The following PDE1A variants were observed in gnomAD, a reference collection of about 807,000 sequenced individuals.
PDE1A encodes the protein phosphodiesterase 1A.
Under a neutral mutation model 61.7 loss-of-function variants are expected in PDE1A, and 35 were observed. The ratio of observed to expected loss-of-function variants is 0.57; its 90% CI spans 0.43 to 0.75. The LOEUF (loss-of-function observed/expected upper bound fraction) is 0.75, where lower values mean the gene tolerates loss of function less well. Among genes scored for constraint, PDE1A ranks in the 30% least tolerant of loss-of-function variants. PDE1A has a pLI of 0.00. For missense variants in PDE1A, 597 were observed against 630.6 expected, an observed-to-expected ratio of 0.95 and a Z score of 0.57; for synonymous variants, 232 against 213.2, an observed-to-expected ratio of 1.09 and a Z score of -0.77.
chr2:182,275,864 TG>T (rs1210117516), intron 1 of PDE1A, among the ~76,000 whole-genome samples: 1 of 152,130 alleles, frequency 6.6e-6, no homozygotes, highest in Non-Finnish European at 1.5e-5. Flanking sequence ...TCATTATTAA[TG>T]ATTTAAATAG....
At chr2:182,567,169 A>G in the PDE1A span, among the ~76,000 whole-genome samples, 4 of 152,214 alleles carry the variant, frequency 2.6e-5, no homozygotes, top group Admixed American at 2.6e-4. Context: ...ACAATTTGCT[A>G]TAACATTACC....
chr2:182,532,738 G>A, the PDE1A span, among the ~76,000 whole-genome samples: 12 of 148,144 alleles, frequency 8.1e-5, no homozygotes, highest in Admixed American at 4.7e-4. Flanking sequence ...CGGGCGGATC[G>A]ACACGAGGTC....
At chr2:182,445,028 T>C (rs543467433) in intron 2 of PDE1A, among the ~76,000 whole-genome samples, 16 of 152,256 alleles carry the variant, frequency 1.1e-4, no homozygotes, top group African/African-American at 2.9e-4. Context: ...TTAGACCATG[T>C]TGAGCCATAC....
At chr2:182,705,820 TAA>T in the PDE1A span, among the ~76,000 whole-genome samples, 3 of 152,224 alleles carry the variant, frequency 2.0e-5, no homozygotes, top group Admixed American at 1.3e-4. Context: ...AGCTGAGGGC[TAA>T]GTCTTTAAAA....
At chr2:182,363,187 C>T (rs1168665853) in intron 1 of PDE1A, among the ~76,000 whole-genome samples, 6 of 151,890 alleles carry the variant, frequency 4.0e-5, no homozygotes, top group African/African-American at 1.4e-4. Context: ...ATATAACAAA[C>T]CTGCTCATGT....
the PDE1A span, among the ~76,000 whole-genome samples, chr2:182,577,992 GGGAC>G: frequency 2.0e-4 from 29 of 148,324 alleles, no homozygotes; most frequent in African/African-American, 6.8e-4. Context: ...AAGGAAGGAA[GGGAC>G]GGAGGGAGGG....
At chr2:182,407,528 C>A (rs1702370345) in intron 1 of PDE1A, among the ~76,000 whole-genome samples, 1 of 151,994 alleles carries the variant, frequency 6.6e-6, no homozygotes, top group Non-Finnish European at 1.5e-5. Context: ...ACTACAGGTT[C>A]CCGCCATCAC....
rs1685713862 is a variant in PDE1A at position 182,453,972 on chromosome 2, C to T, written c.101+68304G>A. On this transcript the variant is annotated intron_variant, in intron 2 of 14. Coordinates refer to the PDE1A transcript ENST00000410103. ...GTATTCAATTAGGAAAAGAGGAAGTCAAATTGTCCCTGTTTGCAGATGACA... is the reference window on the plus strand; with the variant it reads ...GTATTCAATTAGGAAAAGAGGAAGTTAAATTGTCCCTGTTTGCAGATGACA... Among the ~76,000 whole-genome samples the T allele has an allele frequency of 2.0e-5, 3 of 151,942 alleles. No homozygotes were observed. In the South Asian group the frequency reaches 6.2e-4, roughly 32 times the overall value.
intron 1 of PDE1A, among the ~76,000 whole-genome samples, chr2:182,416,089 TG>T (rs34669140): frequency 0.038 from 5,834 of 152,292 alleles, 132 homozygotes; most frequent in Middle Eastern, 0.071. Flanking sequence ...ATCTATGAAA[TG>T]GGGAGCTATA....
the PDE1A span, among the ~76,000 whole-genome samples, chr2:182,564,281 C>T: frequency 5.9e-5 from 9 of 152,210 alleles, no homozygotes; most frequent in African/African-American, 1.9e-4. Flanking sequence ...ATTTGCTTGT[C>T]TGTAAAGTAT....
intron 2 of PDE1A, among the ~76,000 whole-genome samples, chr2:182,471,424 C>T (rs1327297686): frequency 6.6e-6 from 1 of 151,646 alleles, no homozygotes; most frequent in African/African-American, 2.4e-5. Flanking sequence ...TATAATAAAG[C>T]AAAATACAGA....
At chr2:182,208,868 C>A (rs1687341384) in intron 7 of PDE1A, among the ~76,000 whole-genome samples, 1 of 152,190 alleles carries the variant, frequency 6.6e-6, no homozygotes, top group South Asian at 2.1e-4. Flanking sequence ...TTACCCAATG[C>A]CTGTAACCCC....
At chr2:182,476,016 C>T (rs1687335597) in intron 2 of PDE1A, among the ~76,000 whole-genome samples, 1 of 151,494 alleles carries the variant, frequency 6.6e-6, no homozygotes, top group African/African-American at 2.4e-5. Flanking sequence ...AATTTTTTCT[C>T]CAAAAGAACA....
rs371902958 is a variant in PDE1A at position 182,186,413 on chromosome 2, A to T, written c.1328+55T>A. The T allele has an allele frequency of 2.0e-5, 32 of 1,563,368 alleles. No homozygotes were observed. In the African/African-American group the frequency reaches 2.3e-4, roughly 11 times the overall value. ...TGTGAGAAATATAATCATTAAGGAA[A>T]GTGTTACTAAACACCACAAAGATGA... On this transcript the variant is annotated intron_variant, in intron 12 of 13. Transcript: ENST00000351439.
At chr2:182,391,464 G>T (rs1701416089) in intron 1 of PDE1A, among the ~76,000 whole-genome samples, 1 of 152,150 alleles carries the variant, frequency 6.6e-6, no homozygotes, top group African/African-American at 2.4e-5. Flanking sequence ...AGATTGAAAG[G>T]CTAGAGTGGA....
chr2:182,263,700 A>G lies in PDE1A; in HGVS notation c.167+601T>C, dbSNP rs112417495. On this transcript the variant is annotated intron_variant, in intron 2 of 13. Coordinates refer to ENST00000351439, the Ensembl canonical transcript of PDE1A. ...GTCACATCTCCTGGATTTGCCAAATATCCTCCAGGGGGTGAACAGCCTCTT... is the reference window on the plus strand; with the variant it reads ...GTCACATCTCCTGGATTTGCCAAATGTCCTCCAGGGGGTGAACAGCCTCTT... Among the ~76,000 whole-genome samples, 170 of 152,324 alleles carry G rather than the reference A, an allele frequency of 1.1e-3. 1 individual carries two copies. Among genetic ancestry groups the G allele is most frequent in the African/African-American group, 3.9e-3 (164 of 41,576 alleles).
At chr2:182,179,069 A>C (rs930776097) in intron 13 of PDE1A, among the ~76,000 whole-genome samples, 1 of 152,204 alleles carries the variant, frequency 6.6e-6, no homozygotes, top group Non-Finnish European at 1.5e-5. Flanking sequence ...ACTCTGATTC[A>C]GTCAAAACAC....
chr2:182,400,441 C>T (rs544203059), intron 1 of PDE1A, among the ~76,000 whole-genome samples: 1 of 152,208 alleles, frequency 6.6e-6, no homozygotes, highest in African/African-American at 2.4e-5. Flanking sequence ...AGATAATGTG[C>T]CTTCGTATAT....
chr2:182,654,599 C>G, the PDE1A span, among the ~76,000 whole-genome samples: 1 of 152,074 alleles, frequency 6.6e-6, no homozygotes, highest in Non-Finnish European at 1.5e-5. Context: ...GGCCTTTTTT[C>G]AACATGTAAT....
Sources: gnomAD v4.1 joint callset for allele counts (sites outside exome capture counted in the v4.1 genomes callset) on GRCh38, gnomAD v4.1.1 for gene constraint, MANE v1.5 for transcripts, NCBI Gene and HGNC (gene_info 2026-07-23, HGNC 2026-07-21) for gene names.